EVA1C: variants seen among roughly 807,000 people sequenced by gnomAD.
The protein encoded by EVA1C is eva-1 homolog C.
In EVA1C, 25 loss-of-function variants were observed where a neutral mutation model predicts 45.4. The observed-to-expected ratio is 0.55, with a 90% confidence interval of 0.40 to 0.77. The LOEUF (loss-of-function observed/expected upper bound fraction) is 0.77. EVA1C is among the 30% of genes least tolerant of loss of function. The probability of loss-of-function intolerance (pLI) is 0.00; values close to 1 mark genes in which losing one functional copy is unlikely to be tolerated. For missense variants in EVA1C, 479 were observed against 554.8 expected (o/e 0.86, Z 1.37); for synonymous variants, 190 against 221.2 (o/e 0.86, Z 1.25).
At chr21:32,419,810 G>A (rs1273016703) in intron 1 of EVA1C, among the ~76,000 whole-genome samples, 1 of 152,116 alleles carries the variant, frequency 6.6e-6, no homozygotes, top group African/African-American at 2.4e-5. Context: ...GAGCGGGGGT[G>A]GGGGCTGGGG....
intron 1 of EVA1C, among the ~76,000 whole-genome samples, chr21:32,439,086 A>C (rs2035075713): frequency 6.6e-6 from 1 of 151,912 alleles, no homozygotes; most frequent in African/African-American, 2.4e-5. Context: ...AAATACAAAA[A>C]AAAATTAGCC....
At chr21:32,413,188 C>A (rs555538428) in intron 1 of EVA1C, among the ~76,000 whole-genome samples, 175 bp downstream of exon 1, 32 of 152,302 alleles carry the variant, frequency 2.1e-4, no homozygotes, top group Admixed American at 3.3e-4. Context: ...AGTGAAGTGG[C>A]GACGGGGGAC....
At chr21:32,502,910 G>A (rs2037604334) in intron 6 of EVA1C, among the ~76,000 whole-genome samples, 1 of 152,138 alleles carries the variant, frequency 6.6e-6, no homozygotes, top group Admixed American at 6.5e-5. Flanking sequence ...GATTACAGGC[G>A]TAAGACACCG....
chr21:32,450,352 T>G (rs938475021), intron 1 of EVA1C, among the ~76,000 whole-genome samples: 1 of 151,116 alleles, frequency 6.6e-6, no homozygotes, highest in African/African-American at 2.4e-5. Context: ...GTATCTTCCA[T>G]CTTGTGGCTC....
At chr21:32,501,992 CTTT>C (rs1568949536) in intron 6 of EVA1C, among the ~76,000 whole-genome samples, 67 of 7,374 alleles carry the variant, frequency 9.1e-3, no homozygotes, top group Non-Finnish European at 0.019. Context: ...TCTTTTCTTT[CTTT>C]CTTTCTTTCT....
chr21:32,476,509 C>G (rs887071751), intron 4 of EVA1C, among the ~76,000 whole-genome samples: 1 of 152,114 alleles, frequency 6.6e-6, no homozygotes, highest in East Asian at 1.9e-4. Context: ...CATGTGGTGG[C>G]GCATGCCTGC....
chr21:32,502,012 CTTTCTT>C (rs2037556517), intron 6 of EVA1C, among the ~76,000 whole-genome samples: 1 of 132,252 alleles, frequency 7.6e-6, no homozygotes, highest in Non-Finnish European at 1.5e-5. Flanking sequence ...TTCTTTCTTT[CTTTCTT>C]TCTTTCTTTC....
chr21:32,440,165 T>G (rs1396975678), intron 1 of EVA1C, among the ~76,000 whole-genome samples: 2 of 152,076 alleles, frequency 1.3e-5, no homozygotes, highest in East Asian at 3.9e-4. Context: ...GAACCACTAA[T>G]CTGGCCAATT....
intron 1 of EVA1C, among the ~76,000 whole-genome samples, chr21:32,417,173 G>A (rs1221857452): frequency 1.3e-5 from 2 of 152,244 alleles, no homozygotes; most frequent in Non-Finnish European, 2.9e-5. Context: ...GCCCAAGTGA[G>A]CATTAAGTGG....
intron 1 of EVA1C, among the ~76,000 whole-genome samples, chr21:32,440,415 A>T (rs2035132471): frequency 6.6e-6 from 1 of 152,220 alleles, no homozygotes; most frequent in African/African-American, 2.4e-5. Flanking sequence ...TTCGCTGCAT[A>T]ACTTTCTAAG....
intron 1 of EVA1C, chr21:32,453,014 T>C (rs2035639682): frequency 3.2e-6 from 1 of 312,306 alleles, no homozygotes; most frequent in South Asian, 1.2e-4. Flanking sequence ...GTGCCTGTTC[T>C]CACTAAGGTC....
intron 1 of EVA1C, among the ~76,000 whole-genome samples, chr21:32,429,171 G>T (rs2034603893): frequency 6.6e-6 from 1 of 151,006 alleles, no homozygotes; most frequent in African/African-American, 2.5e-5. Flanking sequence ...CTCCCAAGTA[G>T]CTGGGATTTC....
At chr21:32,448,488 G>A (rs1224161200) in intron 1 of EVA1C, among the ~76,000 whole-genome samples, 1 of 152,096 alleles carries the variant, frequency 6.6e-6, no homozygotes, top group East Asian at 1.9e-4. Context: ...CGAGCTCCTC[G>A]TTCTCCCCTC....
At chr21:32,470,827 C>G (rs1032833763) in intron 4 of EVA1C, among the ~76,000 whole-genome samples, 2 of 151,084 alleles carry the variant, frequency 1.3e-5, no homozygotes, top group African/African-American at 2.4e-5. Flanking sequence ...GGTGCGATCT[C>G]GGCTCACTGC....
At chr21:32,418,268 A>C (rs2034130965) in intron 1 of EVA1C, among the ~76,000 whole-genome samples, 1 of 152,208 alleles carries the variant, frequency 6.6e-6, no homozygotes, top group Admixed American at 6.5e-5. Context: ...AAAACAAACC[A>C]AATGTCCGAA....
rs755876554 is a variant in EVA1C at position 32,503,999 on chromosome 21, C to T, written c.933C>T (p.Ala311=). ...DGILVSNSLA[A]FAYIRAHPER... is the part of the protein sequence containing the mutation. Reference sequence around the variant, plus strand: ...TTCTTGTTAGCAACTCTCTGGCAGCCTTTGCTTACATTAGAGGTAGGTCAA... The same window carrying T: ...TTCTTGTTAGCAACTCTCTGGCAGCTTTTGCTTACATTAGAGGTAGGTCAA... Residue 311 remains alanine, a synonymous_variant, in exon 7 of 8, where the codon GCC becomes GCT. Transcript: ENST00000300255. 10 of 1,610,374 alleles carry T rather than the reference C, an allele frequency of 6.2e-6. No homozygotes were observed. Among genetic ancestry groups the T allele is most frequent in the Non-Finnish European group, 8.5e-6 (10 of 1,178,538 alleles).
chr21:32,453,721 A>G (rs1287617703), intron 2 of EVA1C, among the ~76,000 whole-genome samples: 1 of 152,136 alleles, frequency 6.6e-6, no homozygotes, highest in Non-Finnish European at 1.5e-5. Context: ...TAGAATTCCT[A>G]CCTATTGTAG....
intron 4 of EVA1C, among the ~76,000 whole-genome samples, chr21:32,485,130 C>T (rs2036929807): frequency 6.6e-6 from 1 of 152,184 alleles, no homozygotes; most frequent in African/African-American, 2.4e-5. Flanking sequence ...AAGAGGGCCA[C>T]GTCTTTCAGA....
At chr21:32,505,382 T>G (rs2037692959) in intron 7 of EVA1C, among the ~76,000 whole-genome samples, 1 of 152,168 alleles carries the variant, frequency 6.6e-6, no homozygotes, top group Non-Finnish European at 1.5e-5. Context: ...GGATTTTTAC[T>G]GTCAGAAATA....
Sources: allele counts gnomAD v4.1 joint callset (sites outside exome capture counted in the v4.1 genomes callset), GRCh38; gene constraint gnomAD v4.1.1; transcripts MANE v1.5; gene names NCBI Gene and HGNC (gene_info 2026-07-23, HGNC 2026-07-21).